The following PPARG variants were observed in gnomAD, a reference collection of about 807,000 sequenced individuals.
The protein encoded by PPARG is peroxisome proliferator-activated receptor gamma.
PPARG carries 17 observed loss-of-function variants against 39.2 expected under a neutral mutation model. The ratio of observed to expected loss-of-function variants is 0.43; its 90% CI spans 0.30 to 0.65. PPARG has a LOEUF of 0.65. Among genes scored for constraint, PPARG ranks in the 30% least tolerant of loss-of-function variants. The pLI is 0.13. For synonymous variants in PPARG, 223 were observed against 215.7 expected (o/e 1.03, Z -0.30); for missense variants, 406 against 585.9 (o/e 0.69, Z 3.17).
At chr3:12,395,522 A>G (rs1207304046) in intron 5 of PPARG, among the ~76,000 whole-genome samples, 1 of 152,168 alleles carries the variant, frequency 6.6e-6, no homozygotes, top group Non-Finnish European at 1.5e-5. Flanking sequence ...AGGAACTTTC[A>G]TTTTCATTGT....
At chr3:12,345,130 G>A (rs1023059697) in intron 2 of PPARG, among the ~76,000 whole-genome samples, 1 of 152,054 alleles carries the variant, frequency 6.6e-6, no homozygotes, top group Non-Finnish European at 1.5e-5. Flanking sequence ...TTTTCAAATA[G>A]TAATGTTATC....
intron 2 of PPARG, among the ~76,000 whole-genome samples, chr3:12,370,372 G>A (rs2049167619): frequency 6.6e-6 from 1 of 151,664 alleles, no homozygotes; most frequent in African/African-American, 2.4e-5. Flanking sequence ...TCCTTTCTGT[G>A]TGGTTTAAGA....
chr3:12,345,611 A>G (rs1423872091), intron 2 of PPARG, among the ~76,000 whole-genome samples: 1 of 152,198 alleles, frequency 6.6e-6, no homozygotes, highest in Non-Finnish European at 1.5e-5. Flanking sequence ...CTTTGGGCAA[A>G]TCATTTCATT....
chr3:12,386,253 A>G (rs1189295283), intron 4 of PPARG, among the ~76,000 whole-genome samples: 2 of 151,890 alleles, frequency 1.3e-5, no homozygotes, highest in Non-Finnish European at 2.9e-5. Context: ...ATATCCTTAC[A>G]TCTTCCTCTC....
At chr3:12,328,405 AT>A in intron 2 of PPARG, 1 of 624,110 alleles carries the variant, frequency 1.6e-6, no homozygotes, top group Non-Finnish European at 2.8e-6. Flanking sequence ...GCAACGTCAC[AT>A]TTTCTGCATC....
Position 12,379,627 on chromosome 3 carries a change from T to C in PPARG, c.-8-77T>C, listed in dbSNP as rs2049550795. The C allele has an allele frequency of 4.4e-6, 6 of 1,376,168 alleles. No individual in the cohort carries two copies. The South Asian group carries it at 4.7e-5, about 11-fold the overall frequency. 85.2% of individuals were successfully genotyped at this position (1,376,168 alleles called of 1,614,324 possible). ...ATTACTTTGCCAAAGACTCTTTTCATTTCTCTTTCTGAAACTCTGTGAGAT... is the reference window on the plus strand; with the variant it reads ...ATTACTTTGCCAAAGACTCTTTTCACTTCTCTTTCTGAAACTCTGTGAGAT... On this transcript the variant is annotated intron_variant, in intron 2 of 7. Coordinates refer to ENST00000651735, the MANE Select transcript of PPARG (RefSeq NM_138711.6).
rs150934537 is a variant in PPARG at position 12,363,120 on chromosome 3, G to A, written c.-8-16584G>A. ...ATTGTTATAGAGACAGGGTCTCACT[G>A]TGTTGTCTAGGCTGGTCTTGAACTC... On this transcript the variant is annotated intron_variant, in intron 2 of 7. Transcript: ENST00000651735. Among the ~76,000 whole-genome samples, 25 of 152,216 alleles carry A rather than the reference G, an allele frequency of 1.6e-4. No individual in the cohort carries two copies. The East Asian group carries it at 4.3e-3, about 26-fold the overall frequency.
chr3:12,414,896 C>G (rs2051006777), intron 6 of PPARG, among the ~76,000 whole-genome samples: 1 of 152,066 alleles, frequency 6.6e-6, no homozygotes, highest in Admixed American at 6.6e-5. Context: ...TAAAAACTTC[C>G]AGAATAACTC....
chr3:12,320,133 A>G (rs2047497163), intron 2 of PPARG, among the ~76,000 whole-genome samples: 1 of 152,200 alleles, frequency 6.6e-6, no homozygotes, highest in African/African-American at 2.4e-5. Flanking sequence ...TGCAGTAAGG[A>G]TTGATTGTTT....
intron 2 of PPARG, among the ~76,000 whole-genome samples, chr3:12,350,181 A>G (rs2125090439): frequency 1.3e-5 from 2 of 152,298 alleles, no homozygotes; most frequent in East Asian, 3.9e-4. Flanking sequence ...GAGAAAACTA[A>G]TTTTACACAA....
At chr3:12,327,065 T>C (rs1439993815) in intron 2 of PPARG, among the ~76,000 whole-genome samples, 1 of 152,230 alleles carries the variant, frequency 6.6e-6, no homozygotes, top group Non-Finnish European at 1.5e-5. Context: ...GAATGACTAA[T>C]TTACTGTGAT....
At chr3:12,363,415 T>C (rs1183201779) in intron 2 of PPARG, among the ~76,000 whole-genome samples, 2 of 152,228 alleles carry the variant, frequency 1.3e-5, no homozygotes, top group South Asian at 2.1e-4. Context: ...TCTGTTTAGC[T>C]TAAGACCCTT....
chr3:12,425,868 C>G (rs906774305), intron 7 of PPARG, among the ~76,000 whole-genome samples: 1 of 152,150 alleles, frequency 6.6e-6, no homozygotes, highest in East Asian at 1.9e-4. Context: ...TTTCCGGGGT[C>G]GGACAGAAAT....
intron 2 of PPARG, among the ~76,000 whole-genome samples, chr3:12,370,409 C>A (rs145797525): frequency 1.1e-3 from 162 of 152,044 alleles, no homozygotes; most frequent in Non-Finnish European, 1.8e-3. Context: ...GGTTTTGTTA[C>A]TGTTTTATAA....
At chr3:12,397,239 A>G (rs1392652877) in intron 5 of PPARG, among the ~76,000 whole-genome samples, 6 of 151,880 alleles carry the variant, frequency 4.0e-5, no homozygotes, top group Non-Finnish European at 1.5e-5. Flanking sequence ...CCAGAAAAAA[A>G]GATTTCACAA....
intron 5 of PPARG, among the ~76,000 whole-genome samples, chr3:12,403,315 T>C (rs73025302): frequency 0.032 from 4,843 of 150,748 alleles, 220 homozygotes; most frequent in Admixed American, 0.13. Context: ...AAAGTTGTTA[T>C]ACTGTATTTT....
At chr3:12,306,251 C>A (rs1470099271) in intron 1 of PPARG, among the ~76,000 whole-genome samples, 1 of 152,172 alleles carries the variant, frequency 6.6e-6, no homozygotes, top group Non-Finnish European at 1.5e-5. Context: ...GGTTTGCACT[C>A]CTTTGAGAAT....
chr3:12,367,154 T>TTA (rs2049043882), intron 2 of PPARG, among the ~76,000 whole-genome samples: 1 of 152,182 alleles, frequency 6.6e-6, no homozygotes, highest in South Asian at 2.1e-4. Context: ...TCATTTCACC[T>TTA]AGATTATCAA....
intron 2 of PPARG, chr3:12,351,701 TGGGGACGTGG>T (rs1559503665): frequency 6.5e-7 from 1 of 1,540,484 alleles, no homozygotes; most frequent in East Asian, 2.2e-5. Context: ...ATACGGCTAT[TGGGGACGTGG>T]GGGCATTTAT....
Sources: gnomAD v4.1 joint callset for allele counts (sites outside exome capture counted in the v4.1 genomes callset) on GRCh38, gnomAD v4.1.1 for gene constraint, MANE v1.5 for transcripts, NCBI Gene and HGNC (gene_info 2026-07-23, HGNC 2026-07-21) for gene names.